The following TEKT3 variants were observed in gnomAD, a reference collection of about 807,000 sequenced individuals.
TEKT3 encodes tektin-3.
Under a neutral mutation model 49.8 loss-of-function variants are expected in TEKT3, and 49 were observed. The ratio of observed to expected loss-of-function variants is 0.98; its 90% confidence interval spans 0.78 to 1.25. The LOEUF is 1.25. TEKT3 is among the 50% of genes most tolerant of loss of function. The probability of loss-of-function intolerance (pLI) is 0.00; values close to 1 mark genes in which losing one functional copy is unlikely to be tolerated. For synonymous variants in TEKT3, 225 were observed against 237.2 expected (o/e 0.95, Z 0.47); for missense variants, 595 against 629.5 (o/e 0.95, Z 0.59).
At chr17:15,338,637 T>C (rs1249801127) in intron 2 of TEKT3, 1 of 153,836 alleles carries the variant, frequency 6.5e-6, no homozygotes, top group East Asian at 2.0e-4. Flanking sequence ...CCAGCGTAGC[T>C]GGGACTACAG....
At chr17:15,339,923 A>G (rs1439617062) in intron 2 of TEKT3, 105 bp downstream of exon 2, 1 of 151,598 alleles carries the variant, frequency 6.6e-6, no homozygotes, top group Admixed American at 6.6e-5. Context: ...CATCTCTTCA[A>G]AAAAAAAAGT....
intron 3 of TEKT3, 34 bp downstream of exon 3, chr17:15,330,973 T>C (rs372424017): frequency 2.6e-6 from 4 of 1,536,424 alleles, no homozygotes; most frequent in Admixed American, 2.1e-5. Context: ...GTTATAATCA[T>C]AAAAATTCAG....
At chr17:15,331,755 C>T (rs1340586569) in intron 2 of TEKT3, 141 bp from the exon 3 acceptor site, 3 of 621,580 alleles carry the variant, frequency 4.8e-6, no homozygotes, top group East Asian at 2.8e-5. Context: ...TTGTTATCCA[C>T]ATTCACCATT....
intron 2 of TEKT3, among the ~76,000 whole-genome samples, 161 bp from the exon 3 acceptor site, chr17:15,331,775 T>C (rs1358457642): frequency 1.3e-5 from 2 of 152,062 alleles, no homozygotes; most frequent in African/African-American, 4.8e-5. Context: ...TGATAATATA[T>C]TCCAACAAAG....
chr17:15,327,302 G>A (rs1911531681), intron 4 of TEKT3, among the ~76,000 whole-genome samples: 1 of 152,266 alleles, frequency 6.6e-6, no homozygotes, highest in South Asian at 2.1e-4. Context: ...CAGATCATGA[G>A]GTTGGGAGTT....
At chr17:15,330,923 T>C in intron 3 of TEKT3, 84 bp downstream of exon 3, 2 of 1,344,210 alleles carry the variant, frequency 1.5e-6, no homozygotes, top group Non-Finnish European at 1.0e-6. Context: ...AAGTAAAACA[T>C]AAGTCAATAA....
intron 4 of TEKT3, among the ~76,000 whole-genome samples, chr17:15,322,197 C>CT (rs1567578954): frequency 2.0e-5 from 3 of 152,164 alleles, no homozygotes; most frequent in Admixed American, 1.3e-4. Flanking sequence ...AGTGAAATCG[C>CT]ACTTGTACCC....
chr17:15,315,819 G>T (rs919363276), intron 5 of TEKT3, among the ~76,000 whole-genome samples: 1 of 152,170 alleles, frequency 6.6e-6, no homozygotes, highest in Non-Finnish European at 1.5e-5. Context: ...CAGATAACCA[G>T]TATTTGAAAA....
intron 2 of TEKT3, among the ~76,000 whole-genome samples, chr17:15,334,241 T>C (rs1026528700): frequency 1.3e-5 from 2 of 152,020 alleles, no homozygotes; most frequent in Non-Finnish European, 2.9e-5. Flanking sequence ...TTAGTAGAGA[T>C]GAGCAGGTTT....
At chr17:15,310,305 G>C (rs973126134) in intron 7 of TEKT3, among the ~76,000 whole-genome samples, 11 of 152,166 alleles carry the variant, frequency 7.2e-5, no homozygotes, top group Non-Finnish European at 1.5e-4. Context: ...ACAATACCTT[G>C]AGTGTACCTG....
In TEKT3 at chr17:15,312,355, C is replaced by G. The variant is rs368664077; in HGVS notation, c.1005G>C (p.Glu335Asp). The G allele has an allele frequency of 1.2e-6, 2 of 1,614,218 alleles. No homozygotes were observed. The highest frequency in any genetic ancestry group is 2.2e-5 in the South Asian group (2 of 91,078). ...IENLLVVTAN[E>D]MWNQFNKVNL... ...TCACTTTGTTGAATTGATTCCACAT[C>G]TCATTGGCAGTCACAACCAAGAGGT... The change falls in exon 7 of 9, where the codon GAG becomes GAC. Residue 335 changes from glutamate to aspartate, a missense_variant. By Grantham distance (45) the Glu-to-Asp change is conservative. Coordinates refer to ENST00000395930, the MANE Select transcript of TEKT3 (RefSeq NM_031898.3).
intron 3 of TEKT3, among the ~76,000 whole-genome samples, chr17:15,329,363 C>T (rs1311182579): frequency 2.0e-5 from 3 of 152,104 alleles, no homozygotes; most frequent in African/African-American, 2.4e-5. Flanking sequence ...ACAAAAACTG[C>T]AGAAAAAATT....
chr17:15,339,256 T>C lies in TEKT3; in HGVS notation c.-30+772A>G, dbSNP rs79116318. On this transcript the variant is annotated intron_variant, in intron 2 of 8. Transcript: ENST00000395930. ...GAAGACCCCCATCAGATGTAGCCCCTGGATCTTGGACTTCCTAGCCTCCAG... is the reference window on the plus strand; with the variant it reads ...GAAGACCCCCATCAGATGTAGCCCCCGGATCTTGGACTTCCTAGCCTCCAG... Among the ~76,000 whole-genome samples, 61 of 152,332 alleles carry C rather than the reference T, an allele frequency of 4.0e-4. No homozygotes were observed. In the East Asian group the frequency reaches 0.011, roughly 27 times the overall value.
At chr17:15,322,567 C>T (rs446597) in intron 4 of TEKT3, among the ~76,000 whole-genome samples, 24,283 of 152,170 alleles carry the variant, frequency 0.16, 2,076 homozygotes, top group African/African-American at 0.22. Context: ...AGTGCTGACC[C>T]CGCGCTGTGG....
chr17:15,332,779 C>T (rs1476028092), intron 2 of TEKT3, among the ~76,000 whole-genome samples: 1 of 152,104 alleles, frequency 6.6e-6, no homozygotes, highest in Non-Finnish European at 1.5e-5. Flanking sequence ...AAATTGCTAC[C>T]TCAGAGAAGT....
chr17:15,325,057 C>T (rs1597413724), intron 4 of TEKT3, among the ~76,000 whole-genome samples: 1 of 152,290 alleles, frequency 6.6e-6, no homozygotes, highest in African/African-American at 2.4e-5. Flanking sequence ...GCATCATTGT[C>T]AAAGATCAAT....
At chr17:15,308,331 T>TGA (rs1910624784) in intron 8 of TEKT3, among the ~76,000 whole-genome samples, 2 of 152,192 alleles carry the variant, frequency 1.3e-5, no homozygotes, top group Non-Finnish European at 2.9e-5. Context: ...TAATAGCACT[T>TGA]TTTGTGTGTG....
intron 6 of TEKT3, 143 bp downstream of exon 6, chr17:15,313,944 G>T: frequency 8.8e-7 from 1 of 1,135,280 alleles, no homozygotes; most frequent in Non-Finnish European, 1.3e-6. Flanking sequence ...CTTGCTTACT[G>T]GAGACTTGTC....
In TEKT3 at chr17:15,306,089, ATGTGTGTGTG is replaced by A. The variant is rs58688985; in HGVS notation, c.1257-1947_1257-1938del. Among the ~76,000 whole-genome samples the A allele has an allele frequency of 5.5e-5, 8 of 144,312 alleles. No individual in the cohort carries two copies. The East Asian group carries it at 6.0e-4, about 11-fold the overall frequency. The allele number at this position is 144,312 out of a possible 152,430, so 94.7% of individuals were successfully genotyped here. On this transcript the variant is annotated intron_variant, in intron 8 of 8. Coordinates refer to ENST00000395930, the MANE Select transcript of TEKT3 (RefSeq NM_031898.3). ...AAGCTACCACAGTTTATTTATATAT[ATGTGTGTGTG>A]TGTGTGTGTGTGTGTGTGTGTGTGT...
Sources: gnomAD v4.1 joint callset for allele counts (sites outside exome capture counted in the v4.1 genomes callset) on GRCh38, gnomAD v4.1.1 for gene constraint, MANE v1.5 for transcripts, NCBI Gene and HGNC (gene_info 2026-07-23, HGNC 2026-07-21) for gene names.